Variants in CTNNA2 observed in about 807,000 individuals in gnomAD.
CTNNA2 encodes the protein catenin alpha-2.
A neutral mutation model predicts 101.0 loss-of-function variants in CTNNA2; 42 were observed. That is an observed-to-expected ratio of 0.42 (90% CI 0.32 to 0.54). The LOEUF is 0.54. Among genes scored for constraint, CTNNA2 ranks in the 20% least tolerant of loss-of-function variants. CTNNA2 has a pLI of 0.14. For synonymous variants in CTNNA2, 450 were observed against 456.4 expected, an observed-to-expected ratio of 0.99 and a Z score of 0.18; for missense variants, 871 against 1,223.1, an observed-to-expected ratio of 0.71 and a Z score of 4.29.
At chr2:79,413,239 G>A (rs2104494066) in intron 4 of CTNNA2, among the ~76,000 whole-genome samples, 1 of 152,088 alleles carries the variant, frequency 6.6e-6, no homozygotes, top group East Asian at 1.9e-4. Context: ...GAAAAGAGCT[G>A]CAATTCTTAC....
chr2:79,626,901 T>C (rs774286601), intron 1 of CTNNA2, among the ~76,000 whole-genome samples: 2 of 152,146 alleles, frequency 1.3e-5, no homozygotes, highest in Non-Finnish European at 2.9e-5. Flanking sequence ...TTTCCCGTAA[T>C]GCTTATGGAA....
At chr2:80,417,253 C>CTT (rs34053962) in intron 8 of CTNNA2, among the ~76,000 whole-genome samples, 1 of 149,460 alleles carries the variant, frequency 6.7e-6, no homozygotes, top group Admixed American at 6.7e-5. Context: ...ATCTTATATA[C>CTT]TTTTTTTTTG....
intron 2 of CTNNA2, among the ~76,000 whole-genome samples, chr2:79,242,834 G>A (rs1477565609): frequency 1.3e-5 from 2 of 151,732 alleles, no homozygotes; most frequent in South Asian, 4.2e-4. Context: ...CAGGCATGAT[G>A]GTGTGCACCC....
intron 2 of CTNNA2, among the ~76,000 whole-genome samples, chr2:79,277,216 G>T (rs1361044982): frequency 1.3e-5 from 2 of 152,044 alleles, no homozygotes; most frequent in Non-Finnish European, 2.9e-5. Context: ...ATGTCAAGCG[G>T]CTTAAAGGAA....
intron 3 of CTNNA2, among the ~76,000 whole-genome samples, chr2:79,815,771 A>ATTTTTTTTTTT (rs200706378): frequency 6.7e-6 from 1 of 149,490 alleles, no homozygotes. Context: ...TGAATTTTAG[A>ATTTTTTTTTTT]TTTTTTTTTT....
chr2:79,636,010 C>T (rs985580468), intron 1 of CTNNA2, among the ~76,000 whole-genome samples: 3 of 150,250 alleles, frequency 2.0e-5, no homozygotes, highest in African/African-American at 7.3e-5. Flanking sequence ...GCCTGTCATC[C>T]CAGCACTTTG....
At chr2:80,538,481 A>C (rs1232139732) in intron 9 of CTNNA2, among the ~76,000 whole-genome samples, 1 of 152,156 alleles carries the variant, frequency 6.6e-6, no homozygotes, top group East Asian at 1.9e-4. Context: ...TTAAATGGGG[A>C]ATCCTTTCCC....
chr2:79,488,259 G>C (rs778472738), intron 4 of CTNNA2, among the ~76,000 whole-genome samples: 1 of 150,300 alleles, frequency 6.7e-6, no homozygotes, highest in Non-Finnish European at 1.5e-5. Flanking sequence ...CAGTGTTTGT[G>C]GTGAGCTGAG....
At chr2:80,432,107 T>A (rs547074685) in intron 9 of CTNNA2, among the ~76,000 whole-genome samples, 1 of 152,282 alleles carries the variant, frequency 6.6e-6, no homozygotes, top group Non-Finnish European at 1.5e-5. Flanking sequence ...TACATTCTTT[T>A]TTCACACTCA....
intron 1 of CTNNA2, among the ~76,000 whole-genome samples, chr2:79,589,953 C>G (rs1573419587): frequency 6.6e-6 from 1 of 152,148 alleles, no homozygotes; most frequent in Admixed American, 6.5e-5. Context: ...TATACACAAT[C>G]AAAGTCAATG....
At chr2:79,937,376 C>A (rs985660606) in intron 7 of CTNNA2, among the ~76,000 whole-genome samples, 1 of 152,150 alleles carries the variant, frequency 6.6e-6, no homozygotes, top group African/African-American at 2.4e-5. Flanking sequence ...AAGATGGGGC[C>A]AGTCTACGTG....
intron 15 of CTNNA2, among the ~76,000 whole-genome samples, chr2:80,594,005 C>T (rs923862471): frequency 2.0e-5 from 3 of 152,062 alleles, no homozygotes; most frequent in Non-Finnish European, 4.4e-5. Flanking sequence ...AGTGGAATTG[C>T]AGGATCATAT....
intron 4 of CTNNA2, among the ~76,000 whole-genome samples, chr2:79,383,610 G>A (rs952077819): frequency 6.6e-6 from 1 of 152,150 alleles, no homozygotes; most frequent in Non-Finnish European, 1.5e-5. Flanking sequence ...GCAGGCAGAT[G>A]TTAAAAAACC....
At chr2:80,608,118 T>A (rs1195229234) in intron 16 of CTNNA2, 66 bp from the exon 17 acceptor site, 1 of 1,486,916 alleles carries the variant, frequency 6.7e-7, no homozygotes, top group Non-Finnish European at 9.1e-7. Flanking sequence ...CTGCAGCTTT[T>A]CTATAACAAA....
At chr2:79,285,183 G>A (rs558213375) in intron 2 of CTNNA2, among the ~76,000 whole-genome samples, 1 of 151,254 alleles carries the variant, frequency 6.6e-6, no homozygotes, top group Non-Finnish European at 1.5e-5. Flanking sequence ...TATCAATTTT[G>A]TTGATCCTTT....
intron 2 of CTNNA2, among the ~76,000 whole-genome samples, chr2:79,657,989 A>G (rs1398228437): frequency 6.6e-6 from 1 of 151,930 alleles, no homozygotes; most frequent in Non-Finnish European, 1.5e-5. Flanking sequence ...TACAAGTAAT[A>G]TGAAAATGAG....
intron 6 of CTNNA2, among the ~76,000 whole-genome samples, chr2:79,902,027 G>A (rs1685101423): frequency 1.3e-5 from 2 of 152,220 alleles, no homozygotes; most frequent in South Asian, 4.1e-4. Context: ...GTTTGAAACA[G>A]AGGTGAGGAT....
At chr2:80,537,999 CAT>C (rs1309947355) in intron 9 of CTNNA2, among the ~76,000 whole-genome samples, 3 of 152,178 alleles carry the variant, frequency 2.0e-5, no homozygotes, top group African/African-American at 7.2e-5. Flanking sequence ...AGCTTTTTTT[CAT>C]ATGTTTGTTG....
At chr2:79,449,994 A>C (rs1206364593) in intron 4 of CTNNA2, among the ~76,000 whole-genome samples, 2 of 152,014 alleles carry the variant, frequency 1.3e-5, no homozygotes. Context: ...TCCAGTACTC[A>C]TTAGAAGAAA....
Sources: gnomAD v4.1 joint callset for allele counts (sites outside exome capture counted in the v4.1 genomes callset) on GRCh38, gnomAD v4.1.1 for gene constraint, MANE v1.5 for transcripts, NCBI Gene and HGNC (gene_info 2026-07-23, HGNC 2026-07-21) for gene names.